Variants in TCF7 observed in about 807,000 individuals in gnomAD.
The protein encoded by TCF7 is transcription factor 7.
In TCF7, 19 loss-of-function variants were observed where a neutral mutation model predicts 46.8. The ratio of observed to expected loss-of-function variants is 0.41; its 90% CI spans 0.28 to 0.60. The LOEUF is 0.60. TCF7 is among the 20% of genes least tolerant of loss of function. The pLI, the probability that TCF7 is intolerant of heterozygous loss-of-function variation, is 0.35. For synonymous variants in TCF7, 245 were observed against 213.4 expected (o/e 1.15, Z -1.29); for missense variants, 547 against 504.6 (o/e 1.08, Z -0.81).
intron 3 of TCF7, among the ~76,000 whole-genome samples, chr5:134,134,646 TG>T (rs1758605353): frequency 1.3e-5 from 2 of 152,200 alleles, no homozygotes; most frequent in Admixed American, 1.3e-4. Context: ...GGAGAACTTT[TG>T]CATCTGTGAC....
intron 5 of TCF7, chr5:134,140,961 C>G: frequency 5.9e-6 from 2 of 339,074 alleles, no homozygotes; most frequent in Non-Finnish European, 5.8e-6. Flanking sequence ...AAGGCCATGC[C>G]CAGGCCAGTG....
rs376478214 is a variant in TCF7 at position 134,142,967 on chromosome 5, C to T, written c.919-26C>T. 3.1e-6 allele frequency: 5 copies of T among 1,613,156 alleles called. No homozygotes were observed. In the African/African-American group the frequency reaches 5.3e-5, roughly 17 times the overall value. On this transcript the variant is annotated intron_variant, in intron 7 of 9. Transcript: ENST00000342854. ...CAGCCTGCTGACTCCCTGATGCACC[C>T]CACCTGCCCCTCTTCCCTGTTGCAG...
chr5:134,145,136 T>C (rs1268565585), intron 9 of TCF7: 1 of 641,518 alleles, frequency 1.6e-6, no homozygotes, highest in Admixed American at 1.9e-5. Context: ...GCAGCTCTGA[T>C]GCCAGTGGGC....
At chr5:134,109,248 C>G in the TCF7 span, among the ~76,000 whole-genome samples, 1 of 152,150 alleles carries the variant, frequency 6.6e-6, no homozygotes, top group Admixed American at 6.5e-5. Flanking sequence ...TCTTAAAAAG[C>G]GATATTGAAT....
In TCF7 at chr5:134,142,260, G is replaced by A. The variant is rs34995273; in HGVS notation, c.711G>A (p.Val237=). ...CAGCCATCCCCCACCCGGCCATTGT[G>A]CCCCCCTCAGGGAAGCAGGAGCTGC... ...HPAAIPHPAI[V]PPSGKQELQP... The change falls in exon 6 of 10, where the codon GTG becomes GTA. Residue 237 remains valine (V), a synonymous_variant. Coordinates refer to ENST00000342854, the MANE Select transcript of TCF7 (RefSeq NM_003202.5). 22,551 of 1,607,238 alleles carry A rather than the reference G, an allele frequency of 0.014. 208 individuals carry two copies. The highest frequency in any genetic ancestry group is 0.017 in the Non-Finnish European group (19,406 of 1,175,182).
At chr5:134,144,859 G>T (rs763918401) in intron 9 of TCF7, 2 of 1,613,946 alleles carry the variant, frequency 1.2e-6, no homozygotes, top group African/African-American at 2.7e-5. Context: ...GGATTGGTGT[G>T]GTCCGTGCAG....
intron 3 of TCF7, among the ~76,000 whole-genome samples, chr5:134,130,645 CG>C (rs1407913425): frequency 6.6e-6 from 1 of 152,130 alleles, no homozygotes; most frequent in Non-Finnish European, 1.5e-5. Flanking sequence ...CAGGAGAGGA[CG>C]GGGGTAGGAG....
chr5:134,124,702 C>T (rs1320726905), intron 3 of TCF7, among the ~76,000 whole-genome samples: 1 of 152,046 alleles, frequency 6.6e-6, no homozygotes, highest in Non-Finnish European at 1.5e-5. Flanking sequence ...CACTAGCTTG[C>T]TCTTCAAGGG....
chr5:134,116,841 T>A (rs770377424), intron 3 of TCF7, among the ~76,000 whole-genome samples: 2 of 152,254 alleles, frequency 1.3e-5, no homozygotes, highest in African/African-American at 2.4e-5. Context: ...TGTTTCACAC[T>A]CTCCTCAGTT....
chr5:134,131,114 C>T (rs761285806), intron 3 of TCF7, among the ~76,000 whole-genome samples: 32 of 152,060 alleles, frequency 2.1e-4, no homozygotes, highest in Non-Finnish European at 3.5e-4. Flanking sequence ...GTGCTCCAAG[C>T]GGAGGGAATC....
At chr5:134,137,067 T>C (rs1321545335) in intron 3 of TCF7, among the ~76,000 whole-genome samples, 1 of 152,194 alleles carries the variant, frequency 6.6e-6, no homozygotes, top group Non-Finnish European at 1.5e-5. Context: ...CAGGTCTTCC[T>C]GGGGAGCCCC....
chr5:134,113,334 G>A (rs1017496016), upstream of TCF7, among the ~76,000 whole-genome samples: 1 of 152,224 alleles, frequency 6.6e-6, no homozygotes, highest in Non-Finnish European at 1.5e-5. Context: ...TGTGGGGGCT[G>A]GTGTCCGAGA....
chr5:134,145,567 A>T, intron 9 of TCF7: 2 of 671,752 alleles, frequency 3.0e-6, no homozygotes, highest in Non-Finnish European at 5.1e-6. Context: ...AGGGTACTCC[A>T]GGCAGTAAGG....
chr5:134,145,881 G>T (rs751068900), intron 9 of TCF7: 127 of 1,580,096 alleles, frequency 8.0e-5, no homozygotes, highest in Non-Finnish European at 1.0e-4. Flanking sequence ...TGGTGCAGAT[G>T]TGAGTCCCAC....
chr5:134,118,620 T>C (rs1561651150), intron 3 of TCF7, among the ~76,000 whole-genome samples: 5 of 152,048 alleles, frequency 3.3e-5, no homozygotes, highest in Admixed American at 3.3e-4. Flanking sequence ...TCCAAAAAGG[T>C]TCCTTCTTTT....
At chr5:134,122,943 A>ACTGTATC (rs1384715531) in intron 3 of TCF7, among the ~76,000 whole-genome samples, 1 of 152,090 alleles carries the variant, frequency 6.6e-6, no homozygotes. Context: ...AGTCTGCACG[A>ACTGTATC]TGCACCCTCT....
At chr5:134,116,411 G>A (rs1221766275) in intron 3 of TCF7, among the ~76,000 whole-genome samples, 5 of 152,218 alleles carry the variant, frequency 3.3e-5, no homozygotes, top group African/African-American at 1.2e-4. Flanking sequence ...TTTCTAACTA[G>A]CCCAGGAAAC....
intron 9 of TCF7, chr5:134,145,765 A>C: frequency 6.2e-7 from 1 of 1,613,952 alleles, no homozygotes; most frequent in Non-Finnish European, 8.5e-7. Flanking sequence ...AGAGAACTCA[A>C]GGATGGTAAT....
At chr5:134,142,131 C>T in intron 5 of TCF7, 54 bp from the exon 6 acceptor site, 2 of 1,611,714 alleles carry the variant, frequency 1.2e-6, no homozygotes, top group South Asian at 2.2e-5. Context: ...TGTGTGTGTC[C>T]AAAGGTCTGG....
Sources: gnomAD v4.1 joint callset for allele counts (sites outside exome capture counted in the v4.1 genomes callset) on GRCh38, gnomAD v4.1.1 for gene constraint, MANE v1.5 for transcripts, NCBI Gene and HGNC (gene_info 2026-07-23, HGNC 2026-07-21) for gene names.